SMARCA4: variants seen among roughly 807,000 people sequenced by gnomAD.
SMARCA4 encodes the protein SWI/SNF related BAF chromatin remodeling complex subunit ATPase 4, also known as SWI/SNF-related matrix-associated actin-dependent regulator of chromatin subfamily A member 4.
A neutral mutation model predicts 193.9 loss-of-function variants in SMARCA4; 31 were observed. That is an observed-to-expected ratio of 0.16 (90% CI 0.12 to 0.22). The LOEUF (loss-of-function observed/expected upper bound fraction) is 0.22, where lower values mean the gene tolerates loss of function less well. Among genes scored for constraint, SMARCA4 ranks in the 10% least tolerant of loss-of-function variants. SMARCA4 has a pLI of 1.00. For synonymous variants in SMARCA4, 942 were observed against 933.1 expected, an observed-to-expected ratio of 1.01 and a Z score of -0.17; for missense variants, 1,148 against 2,296.0, an observed-to-expected ratio of 0.50 and a Z score of 10.22.
intron 11 of SMARCA4, among the ~76,000 whole-genome samples, chr19:10,999,431 A>G (rs2087413090): frequency 6.6e-6 from 1 of 151,474 alleles, no homozygotes; most frequent in Non-Finnish European, 1.5e-5. Flanking sequence ...CCAATATGGG[A>G]GGACTACTTG....
chr19:11,054,400 T>G (rs2076428338), intron 30 of SMARCA4, among the ~76,000 whole-genome samples: 1 of 152,186 alleles, frequency 6.6e-6, no homozygotes, highest in African/African-American at 2.4e-5. Context: ...GGCTCCCCTG[T>G]GTGTTTCTGC....
At chr19:11,000,799 A>G (rs1238973962) in intron 11 of SMARCA4, among the ~76,000 whole-genome samples, 1 of 144,226 alleles carries the variant, frequency 6.9e-6, no homozygotes, top group East Asian at 2.1e-4. Flanking sequence ...AATCACTTAA[A>G]CCCGGGAGGC....
intron 30 of SMARCA4, among the ~76,000 whole-genome samples, chr19:11,046,665 G>T (rs1337603760): frequency 3.9e-5 from 6 of 152,168 alleles, no homozygotes; most frequent in African/African-American, 1.4e-4. Context: ...TCGTTGAAAA[G>T]CTACCTCAGC....
At chr19:11,026,955 C>T (rs549469094) in intron 23 of SMARCA4, among the ~76,000 whole-genome samples, 1 of 152,276 alleles carries the variant, frequency 6.6e-6, no homozygotes, top group South Asian at 2.1e-4. Context: ...AAACTCTGCT[C>T]ACTAGTACAG....
chr19:10,963,379 A>G (rs1212368680), intron 1 of SMARCA4, among the ~76,000 whole-genome samples: 2 of 151,174 alleles, frequency 1.3e-5, no homozygotes, highest in Non-Finnish European at 3.0e-5. Flanking sequence ...TCAAAAAAAA[A>G]AAAAAAAAAA....
Position 10,987,443 on chromosome 19 carries a change from C to G in SMARCA4, c.860-223C>G, listed in dbSNP as rs1379304363. Among the ~76,000 whole-genome samples, 2 of 152,178 alleles carry G rather than the reference C, an allele frequency of 1.3e-5. No individual in the cohort carries two copies. Among genetic ancestry groups the G allele is most frequent in the African/African-American group, 4.8e-5 (2 of 41,452 alleles). ...GACAGAACAAAAAGGCCTTGGGAGC[C>G]TGGGGCTGGCCCCAGTGGAGGGTGT... On this transcript the variant is annotated intron_variant, in intron 5 of 34. Coordinates refer to ENST00000344626, the MANE Select transcript of SMARCA4 (RefSeq NM_003072.5). This position sits in a 1 kb window ranked among gnomAD's most constrained non-coding sequence, Gnocchi z 5.3.
chr19:11,021,883 C>T lies in SMARCA4; in HGVS notation c.2775C>T (p.Leu925=), dbSNP rs2089900213. The T allele has an allele frequency of 6.2e-7, 1 of 1,613,812 alleles. No homozygotes were observed. Reference sequence around the variant, plus strand: ...AGCTTCCCGAGCTCTGGGCGCTGCTCAACTTCCTGCTGCCCACCATCTTCA... The same window carrying T: ...AGCTTCCCGAGCTCTGGGCGCTGCTTAACTTCCTGCTGCCCACCATCTTCA... ...QNKLPELWAL[L]NFLLPTIFKS... Residue 925 remains leucine (L), a synonymous_variant, in exon 19 of 35, where the codon CTC becomes CTT. Coordinates refer to ENST00000344626, the MANE Select transcript of SMARCA4 (RefSeq NM_003072.5).
At chr19:10,974,666 C>CATACATAT (rs2084953491) in intron 1 of SMARCA4, among the ~76,000 whole-genome samples, 1 of 30,458 alleles carries the variant, frequency 3.3e-5, no homozygotes, top group African/African-American at 1.2e-4. Context: ...GATTAACATG[C>CATACATAT]ATATATATAT....
intron 24 of SMARCA4, among the ~76,000 whole-genome samples, chr19:11,029,913 C>T (rs573379134): frequency 6.6e-6 from 1 of 152,184 alleles, no homozygotes; most frequent in African/African-American, 2.4e-5. Flanking sequence ...TGTCCTCAGG[C>T]GATCCACCCA....
chr19:11,019,167 C>T lies in SMARCA4; in HGVS notation c.2505+144C>T. ...GAGTCTCCAGGACAGCCTGGAACTC[C>T]AGTCACATGGATCCGGGAGTTTGGA... On this transcript the variant is annotated intron_variant, in intron 17 of 34. Coordinates refer to ENST00000344626, the MANE Select transcript of SMARCA4 (RefSeq NM_003072.5). This position sits in a 1 kb window ranked among gnomAD's most constrained non-coding sequence, Gnocchi z 6.1. 2.7e-6 allele frequency: 2 copies of T among 731,358 alleles called. No individual in the cohort carries two copies. The highest frequency in any genetic ancestry group is 5.0e-6 in the Non-Finnish European group (2 of 403,560). The allele number at this position is 731,358 out of a possible 1,614,324, so 45.3% of individuals were successfully genotyped here. A position where few individuals can be genotyped will look rare whatever the true frequency, so the allele number is the denominator to read the frequency against.
chr19:11,022,665 C>T (rs913311557), intron 19 of SMARCA4, among the ~76,000 whole-genome samples: 3 of 152,186 alleles, frequency 2.0e-5, no homozygotes, highest in African/African-American at 7.2e-5. Flanking sequence ...CGGCTGGGCC[C>T]ACCCCCTTCT....
Position 11,030,080 on chromosome 19 carries a change from C to T in SMARCA4, c.3383-650C>T, listed in dbSNP as rs1486558818. ...GTTGACATTGCCTTAATGCCCACAA[C>T]GCTGAGGGCATCGTGGGTTGTCACC... On this transcript the variant is annotated intron_variant, in intron 24 of 34. Transcript: ENST00000344626. This position sits in a 1 kb window ranked among gnomAD's most constrained non-coding sequence, Gnocchi z 5.5. Among the ~76,000 whole-genome samples the T allele has an allele frequency of 6.6e-6, 1 of 152,196 alleles. No individual in the cohort carries two copies. The highest frequency in any genetic ancestry group is 1.5e-5 in the Non-Finnish European group (1 of 68,040).
Position 10,986,745 on chromosome 19 carries a change from G to C in SMARCA4, c.760+152G>C. On this transcript the variant is annotated intron_variant, in intron 4 of 34. Transcript: ENST00000344626. This position sits in a 1 kb window ranked among gnomAD's most constrained non-coding sequence, Gnocchi z 6.7. ...GCACTTCTGGGTGCTCGGGTGGTGG[G>C]GGCAGCTAAATGCTGCTTCCCCAGC... 1 of 1,316,070 alleles carries C rather than the reference G, an allele frequency of 7.6e-7. No homozygotes were observed. The highest frequency in any genetic ancestry group is 1.1e-6 in the Non-Finnish European group (1 of 949,760). The allele number at this position is 1,316,070 out of a possible 1,614,324, so 81.5% of individuals were successfully genotyped here. A position where few individuals can be genotyped will look rare whatever the true frequency, so the allele number is the denominator to read the frequency against.
chr19:11,016,558 C>T (rs1453082147), intron 16 of SMARCA4, among the ~76,000 whole-genome samples: 6 of 152,132 alleles, frequency 3.9e-5, no homozygotes, highest in Admixed American at 6.6e-5. Flanking sequence ...TCAGTGTGGG[C>T]GTGAACAAAT....
At chr19:11,055,079 C>A (rs897123952) in intron 30 of SMARCA4, among the ~76,000 whole-genome samples, 10 of 152,328 alleles carry the variant, frequency 6.6e-5, no homozygotes, top group Non-Finnish European at 1.3e-4. Flanking sequence ...CCAGGGAACT[C>A]TGCACCAGAG....
At position 11,041,590 on chromosome 19, in the gene SMARCA4, T is replaced by C. The variant is rs2075617421; in HGVS notation, c.4424+30T>C. ...GCGAGGAGGCGGGGAGGGCGGGGGC[T>C]GTAGGGGTCCCCGTGGGAGCAGGCC... On this transcript the variant is annotated intron_variant, in intron 30 of 34. Coordinates refer to ENST00000344626, the MANE Select transcript of SMARCA4 (RefSeq NM_003072.5). The surrounding 1 kb of genome is among the most constrained non-coding windows in gnomAD (Gnocchi z 5.6). The C allele has an allele frequency of 2.5e-6, 4 of 1,604,756 alleles. No individual in the cohort carries two copies. Among genetic ancestry groups the C allele is most frequent in the East Asian group, 4.5e-5 (2 of 44,764 alleles).
rs1175675390 is a variant in SMARCA4, at chr19:11,033,870, G to GA, written c.3873+6dup. 5.1e-6 allele frequency: 4 copies of GA among 778,242 alleles called. No individual in the cohort carries two copies. In the African/African-American group the frequency reaches 6.8e-5, roughly 13 times the overall value. 48.2% of individuals were successfully genotyped at this position (778,242 alleles called of 1,614,324 possible). On this transcript the variant is annotated splice_donor_region_variant and intron_variant, in intron 27 of 34. Coordinates refer to ENST00000344626, the MANE Select transcript of SMARCA4 (RefSeq NM_003072.5). This position sits in a 1 kb window ranked among gnomAD's most constrained non-coding sequence, Gnocchi z 9.8. ...TTGGAGGAGCCACCTCTAAAGGTGAGAGGGGTAGTTCAGTCTCCATGCCCA... is the reference window on the plus strand; with the variant it reads ...TTGGAGGAGCCACCTCTAAAGGTGAGAAGGGGTAGTTCAGTCTCCATGCCCA...
chr19:10,989,178 C>G, intron 6 of SMARCA4, 139 bp from the exon 7 acceptor site: 2 of 1,086,570 alleles, frequency 1.8e-6, no homozygotes, highest in Non-Finnish European at 2.8e-6. Flanking sequence ...TGCCCTGCGG[C>G]CAGCATCCTC....
At chr19:11,015,439 C>T (rs544733221) in intron 16 of SMARCA4, among the ~76,000 whole-genome samples, 2 of 152,164 alleles carry the variant, frequency 1.3e-5, no homozygotes, top group Non-Finnish European at 1.5e-5. Context: ...TGGGTTTGTC[C>T]GATGTGATCG....
Sources: allele counts gnomAD v4.1 joint callset (sites outside exome capture counted in the v4.1 genomes callset), GRCh38; gene constraint gnomAD v4.1.1; non-coding constraint Gnocchi (gnomAD v3.1); transcripts MANE v1.5; gene names NCBI Gene and HGNC (gene_info 2026-07-23, HGNC 2026-07-21).